RAP1GAP: variants seen among roughly 807,000 people sequenced by gnomAD.
The protein encoded by RAP1GAP is RAP1 GTPase activating protein.
RAP1GAP carries 35 observed loss-of-function variants against 87.2 expected under a neutral mutation model. The observed-to-expected ratio is 0.40, with a 90% CI of 0.31 to 0.53. RAP1GAP has a LOEUF of 0.53. Among genes scored for constraint, RAP1GAP ranks in the 20% least tolerant of loss-of-function variants. The pLI is 0.48. For synonymous variants in RAP1GAP, 375 were observed against 363.9 expected, an observed-to-expected ratio of 1.03 and a Z score of -0.35; for missense variants, 734 against 898.9, an observed-to-expected ratio of 0.82 and a Z score of 2.35.
At position 21,606,029 on chromosome 1, in the gene RAP1GAP, G is replaced by A. The variant is rs780936614; in HGVS notation, c.1428+37C>T. Reference sequence around the variant, plus strand: ...CAGAGGAGAGCTGAGGGCCCCCCAGGGAGGGGCCGGGGCCTGGGGAGGGGG... The same window carrying A: ...CAGAGGAGAGCTGAGGGCCCCCCAGAGAGGGGCCGGGGCCTGGGGAGGGGG... On this transcript the variant is annotated intron_variant, in intron 18 of 24. Transcript: ENST00000374765. 4 of 1,550,700 alleles carry A rather than the reference G, an allele frequency of 2.6e-6. No individual in the cohort carries two copies. The Admixed American group carries it at 5.8e-5, about 22-fold the overall frequency.
At chr1:21,631,683 T>C (rs2093767369) in intron 2 of RAP1GAP, among the ~76,000 whole-genome samples, 1 of 151,966 alleles carries the variant, frequency 6.6e-6, no homozygotes, top group African/African-American at 2.4e-5. Flanking sequence ...CAAAACTCTG[T>C]CTCAAAAAAC....
rs1645337975 is a variant in RAP1GAP, at chr1:21,596,671, G to C, written c.*628C>G. The C allele has an allele frequency of 1.3e-5, 2 of 152,296 alleles. No individual in the cohort carries two copies. The highest frequency in any genetic ancestry group is 2.9e-5 in the Non-Finnish European group (2 of 68,080). The allele number at this position is 152,296 out of a possible 1,614,324, so 9.4% of individuals were successfully genotyped here. The stretch of plus-strand genomic sequence containing the variant: ...TCCAGGGACCTCAAGAAGCAGGGTA[G>C]GGTGATAGGAGGTCCCTGGGAAGAA... On this transcript the variant is annotated 3_prime_UTR_variant, in exon 25 of 25. Transcript: ENST00000374765.
At chr1:21,652,039 A>G (rs1339973522) in intron 1 of RAP1GAP, 1 of 189,744 alleles carries the variant, frequency 5.3e-6, no homozygotes, top group Non-Finnish European at 9.7e-6. Context: ...GCTTCGCGGG[A>G]CTTTCCGAGC....
chr1:21,662,102 A>T (rs1022452741), intron 1 of RAP1GAP, among the ~76,000 whole-genome samples: 3 of 152,156 alleles, frequency 2.0e-5, no homozygotes, highest in African/African-American at 7.2e-5. Flanking sequence ...ACTCCAATGC[A>T]GGGTGCAGCC....
chr1:21,647,170 C>A (rs1210159637), intron 2 of RAP1GAP, among the ~76,000 whole-genome samples: 1 of 152,134 alleles, frequency 6.6e-6, no homozygotes, highest in African/African-American at 2.4e-5. Context: ...TACAGCCTGG[C>A]CTTTATGGGA....
At position 21,613,961 on chromosome 1, in the gene RAP1GAP, C is replaced by T. The variant is rs2149464049; in HGVS notation, c.395+25G>A. 3.3e-6 allele frequency: 5 copies of T among 1,533,648 alleles called. No individual in the cohort carries two copies. The highest frequency in any genetic ancestry group is 3.6e-6 in the Non-Finnish European group (4 of 1,114,158). On this transcript the variant is annotated intron_variant, in intron 8 of 24. Transcript: ENST00000374765. The surrounding 1 kb of genome is among the most constrained non-coding windows in gnomAD (Gnocchi z 4.7). ...GTAAGACCTCAGCCCTTCCTGCCAT[C>T]TCAGGACTCCCCCACCACCCTCACC...
chr1:21,655,759 C>A (rs528690737), intron 1 of RAP1GAP, among the ~76,000 whole-genome samples: 4 of 152,212 alleles, frequency 2.6e-5, no homozygotes, highest in Non-Finnish European at 4.4e-5. Flanking sequence ...AGAAGAGCAC[C>A]GGGTGGAGGG....
intron 2 of RAP1GAP, among the ~76,000 whole-genome samples, chr1:21,630,279 GT>G (rs1270244589): frequency 2.6e-4 from 33 of 126,350 alleles, no homozygotes; most frequent in Admixed American, 1.3e-3. Flanking sequence ...TTTTTTTTTT[GT>G]TTTTTGAGAC....
chr1:21,646,874 C>T (rs1171781676), intron 2 of RAP1GAP, among the ~76,000 whole-genome samples: 2 of 152,216 alleles, frequency 1.3e-5, no homozygotes, highest in African/African-American at 4.8e-5. Flanking sequence ...TCCTCCACTG[C>T]AGACAACCTG....
chr1:21,651,403 A>G, intron 1 of RAP1GAP: 1 of 543,024 alleles, frequency 1.8e-6, no homozygotes, highest in Non-Finnish European at 3.7e-6. Context: ...TATACATGTG[A>G]GCAGTTGCGC....
In RAP1GAP at chr1:21,601,779, AC is replaced by A; in HGVS notation, c.1556del (p.Gly519ValfsTer254). The A allele has an allele frequency of 6.2e-7, 1 of 1,608,928 alleles. No individual in the cohort carries two copies. ...VQEKRESPPA[G>X]QKTPDSGHVS... The stretch of plus-strand genomic sequence containing the variant: ...CGTGCCCGCTGTCTGGGGTCTTCTG[AC>A]CAGCCGGAGGGCTCTCCCTGCGGGG... On this transcript the variant is annotated frameshift_variant, in exon 20 of 25. Coordinates refer to ENST00000374765, the MANE Select transcript of RAP1GAP (RefSeq NM_002885.4). LOFTEE classifies it high-confidence loss of function.
At chr1:21,635,538 G>A (rs2094545634) in intron 2 of RAP1GAP, among the ~76,000 whole-genome samples, 1 of 152,212 alleles carries the variant, frequency 6.6e-6, no homozygotes, top group Non-Finnish European at 1.5e-5. Context: ...GACTGTTCCT[G>A]AGGAGCCTCT....
intron 19 of RAP1GAP, 28 bp from the exon 20 acceptor site, chr1:21,601,825 G>A: frequency 3.3e-6 from 5 of 1,511,336 alleles, no homozygotes; most frequent in Non-Finnish European, 4.5e-6. Context: ...GCAGCGGGGG[G>A]ATTCAGCACC....
chr1:21,616,876 C>T (rs2082507975), intron 7 of RAP1GAP, among the ~76,000 whole-genome samples: 1 of 152,222 alleles, frequency 6.6e-6, no homozygotes, highest in Non-Finnish European at 1.5e-5. Flanking sequence ...CTTACTTTGT[C>T]CCAGACACCA....
Position 21,597,716 on chromosome 1 carries a change from C to T in RAP1GAP, c.*4G>A. On this transcript the variant is annotated 3_prime_UTR_variant, in exon 24 of 25. Transcript: ENST00000374765. ...CAGTTTCACCTTCAGAGGGGGTGGC[C>T]CGGCTAACAGCCCTGCAGACAGACA... is the stretch of plus-strand genomic sequence containing the variant. 1 of 1,613,388 alleles carries T rather than the reference C, an allele frequency of 6.2e-7. No homozygotes were observed. The highest frequency in any genetic ancestry group is 8.5e-7 in the Non-Finnish European group (1 of 1,179,554).
chr1:21,644,615 C>G (rs902715021), intron 2 of RAP1GAP, among the ~76,000 whole-genome samples: 1 of 152,098 alleles, frequency 6.6e-6, no homozygotes, highest in Non-Finnish European at 1.5e-5. Flanking sequence ...ATTCAGTGGA[C>G]CTGGCCGGGC....
chr1:21,639,916 A>G (rs1317660614), intron 2 of RAP1GAP, among the ~76,000 whole-genome samples: 1 of 152,048 alleles, frequency 6.6e-6, no homozygotes, highest in African/African-American at 2.4e-5. Flanking sequence ...TGGGAGGGAA[A>G]GCGCTTGTGT....
chr1:21,627,255 G>A (rs2092486585), intron 2 of RAP1GAP, among the ~76,000 whole-genome samples: 2 of 152,178 alleles, frequency 1.3e-5, no homozygotes, highest in Non-Finnish European at 2.9e-5. Context: ...CCCATCAAGA[G>A]AGGCTGGTCC....
chr1:21,631,949 C>T (rs1332412631), intron 2 of RAP1GAP, among the ~76,000 whole-genome samples: 1 of 152,186 alleles, frequency 6.6e-6, no homozygotes, highest in Admixed American at 6.5e-5. Context: ...CTGCAGCCAC[C>T]GCCAAGCGCC....
Sources: gnomAD v4.1 joint callset for allele counts (sites outside exome capture counted in the v4.1 genomes callset) on GRCh38, gnomAD v4.1.1 for gene constraint, Gnocchi (gnomAD v3.1) non-coding constraint, MANE v1.5 for transcripts, NCBI Gene and HGNC (gene_info 2026-07-23, HGNC 2026-07-21) for gene names.